The following AUTS2 variants were observed in gnomAD, a reference collection of about 807,000 sequenced individuals.
AUTS2 encodes the protein activator of transcription and developmental regulator AUTS2, also known as autism susceptibility gene 2 protein.
A neutral mutation model predicts 112.4 loss-of-function variants in AUTS2; 17 were observed. The ratio of observed to expected loss-of-function variants is 0.15; its 90% confidence interval spans 0.10 to 0.23. The LOEUF (loss-of-function observed/expected upper bound fraction) is 0.23, where lower values mean the gene tolerates loss of function less well. AUTS2 is among the 10% of genes least tolerant of loss of function. The pLI, the probability that AUTS2 is intolerant of heterozygous loss-of-function variation, is 1.00. For missense variants in AUTS2, 1,510 were observed against 1,701.6 expected, an observed-to-expected ratio of 0.89 and a Z score of 1.98; for synonymous variants, 751 against 702.7, an observed-to-expected ratio of 1.07 and a Z score of -1.09.
At position 70,531,360 on chromosome 7, in the gene AUTS2, C is replaced by T. The variant is rs551499090; in HGVS notation, c.690+95579C>T. On this transcript the variant is annotated intron_variant, in intron 5 of 18. Transcript: ENST00000342771. ...GGCCTGCAGACAGCTAGATCCTGTG[C>T]GTGAGGGTTGTCTTAGTCCATTTTA... Among the ~76,000 whole-genome samples, 8 of 152,188 alleles carry T rather than the reference C, an allele frequency of 5.3e-5. No homozygotes were observed. In the South Asian group the frequency reaches 6.2e-4, roughly 12 times the overall value.
intron 2 of AUTS2, among the ~76,000 whole-genome samples, chr7:70,047,478 T>G (rs1417177698): frequency 1.3e-5 from 2 of 152,226 alleles, no homozygotes; most frequent in Non-Finnish European, 2.9e-5. Context: ...GAGGTGATTT[T>G]AGCATAGAGC....
chr7:69,905,473 A>T (rs1260757036), intron 2 of AUTS2, among the ~76,000 whole-genome samples: 1 of 152,160 alleles, frequency 6.6e-6, no homozygotes, highest in African/African-American at 2.4e-5. Flanking sequence ...ACCAAGTCTG[A>T]AGGCCTGAGA....
intron 1 of AUTS2, among the ~76,000 whole-genome samples, chr7:69,721,594 G>T (rs1271073309): frequency 1.3e-5 from 2 of 152,148 alleles, no homozygotes; most frequent in Non-Finnish European, 2.9e-5. Context: ...AGTGAGAAGA[G>T]CTGAGAATGA....
chr7:70,055,439 A>T (rs565689406), intron 2 of AUTS2, among the ~76,000 whole-genome samples: 7 of 152,206 alleles, frequency 4.6e-5, no homozygotes, highest in Non-Finnish European at 4.4e-5. Context: ...CATCTCAAAA[A>T]AAAAAATTCT....
chr7:70,242,288 T>C (rs1163060003), intron 4 of AUTS2, among the ~76,000 whole-genome samples: 1 of 152,200 alleles, frequency 6.6e-6, no homozygotes, highest in Non-Finnish European at 1.5e-5. Context: ...AGGATTCGGA[T>C]AAGTGACCAT....
At chr7:70,367,617 TGAA>T (rs1172505258) in intron 4 of AUTS2, among the ~76,000 whole-genome samples, 1 of 151,956 alleles carries the variant, frequency 6.6e-6, no homozygotes, top group East Asian at 1.9e-4. Flanking sequence ...AAATCACTGA[TGAA>T]GAACGTAGTT....
intron 17 of AUTS2, among the ~76,000 whole-genome samples, chr7:70,786,385 T>C (rs1435200628): frequency 7.0e-6 from 1 of 143,460 alleles, no homozygotes; most frequent in Non-Finnish European, 1.5e-5. Flanking sequence ...GTTACAGCAA[T>C]TGTTACATTT....
intron 5 of AUTS2, among the ~76,000 whole-genome samples, chr7:70,611,661 T>C (rs1476846913): frequency 1.3e-5 from 2 of 152,210 alleles, no homozygotes; most frequent in African/African-American, 2.4e-5. Flanking sequence ...CCGCTTCTTA[T>C]AGCAAGTCTT....
chr7:70,136,968 T>C (rs1281930572), intron 4 of AUTS2, among the ~76,000 whole-genome samples: 2 of 152,208 alleles, frequency 1.3e-5, no homozygotes, highest in East Asian at 3.8e-4. Flanking sequence ...TGTGTGTGCA[T>C]GCACACACAC....
At chr7:69,893,040 A>G (rs760493368) in intron 1 of AUTS2, among the ~76,000 whole-genome samples, 2 of 152,206 alleles carry the variant, frequency 1.3e-5, no homozygotes, top group Non-Finnish European at 2.9e-5. Context: ...ACTTTACTAT[A>G]ATAGTTCACT....
At chr7:70,409,355 G>A (rs1316277517) in intron 4 of AUTS2, among the ~76,000 whole-genome samples, 1 of 151,974 alleles carries the variant, frequency 6.6e-6, no homozygotes, top group Non-Finnish European at 1.5e-5. Context: ...GTGTGTGTGT[G>A]TATTTATGTA....
intron 1 of AUTS2, among the ~76,000 whole-genome samples, chr7:69,729,901 A>C (rs1431191529): frequency 6.6e-6 from 1 of 151,716 alleles, no homozygotes; most frequent in African/African-American, 2.4e-5. Context: ...TTTTGTGCAC[A>C]AATTTGAGCC....
chr7:69,606,244 T>C (rs1159036070), intron 1 of AUTS2, among the ~76,000 whole-genome samples: 2 of 152,246 alleles, frequency 1.3e-5, no homozygotes, highest in Non-Finnish European at 2.9e-5. Context: ...CACAGTTTTA[T>C]GTATTATCAA....
In AUTS2 at chr7:70,245,171, A is replaced by C. The variant is rs200252798; in HGVS notation, c.660+110600A>C. On this transcript the variant is annotated intron_variant, in intron 4 of 18. Coordinates refer to ENST00000342771, the MANE Select transcript of AUTS2 (RefSeq NM_015570.4). Reference sequence around the variant, plus strand: ...ATATATATATATATATATATATATAAAAAATAAAAAATAAACAAAAATTAA... The same window carrying C: ...ATATATATATATATATATATATATACAAAATAAAAAATAAACAAAAATTAA... 2.3e-5 allele frequency among the ~76,000 whole-genome samples: 3 copies of C among 129,592 alleles called. No individual in the cohort carries two copies. The South Asian group carries it at 7.4e-4, about 32-fold the overall frequency. 85.0% of individuals were successfully genotyped at this position (129,592 alleles called of 152,430 possible).
intron 2 of AUTS2, among the ~76,000 whole-genome samples, chr7:70,043,595 TC>T (rs1801355773): frequency 1.0e-5 from 1 of 96,844 alleles, no homozygotes; most frequent in Non-Finnish European, 2.1e-5. Flanking sequence ...CTTCCTTCCT[TC>T]CTTCCTTCCT....
In AUTS2 at chr7:70,694,843, T is replaced by C. The variant is rs2129546913; in HGVS notation, c.691-3726T>C. 1 of 151,936 alleles carries C rather than the reference T, an allele frequency of 6.6e-6. No individual in the cohort carries two copies. The highest frequency in any genetic ancestry group is 2.0e-4 in the East Asian group (1 of 5,058). The allele number at this position is 151,936 out of a possible 1,614,324, so 9.4% of individuals were successfully genotyped here. On this transcript the variant is annotated intron_variant, in intron 5 of 18. Transcript: ENST00000342771. The surrounding 1 kb of genome is among the most constrained non-coding windows in gnomAD (Gnocchi z 4.1). Reference sequence around the variant, plus strand: ...AAGCTGTTGCCCGGTTCGGATCTGGTTCGGCGCCTCCGCTCTCGGACTTTG... The same window carrying C: ...AAGCTGTTGCCCGGTTCGGATCTGGCTCGGCGCCTCCGCTCTCGGACTTTG...
chr7:69,681,603 A>G (rs1233939439), intron 1 of AUTS2, among the ~76,000 whole-genome samples: 1 of 152,134 alleles, frequency 6.6e-6, no homozygotes, highest in Non-Finnish European at 1.5e-5. Flanking sequence ...TTAGGCTGCA[A>G]TTGCTATGAG....
At chr7:69,949,915 C>G (rs947440890) in intron 2 of AUTS2, among the ~76,000 whole-genome samples, 1 of 152,098 alleles carries the variant, frequency 6.6e-6, no homozygotes, top group Non-Finnish European at 1.5e-5. Context: ...GAACTGGATG[C>G]TTAATAAATG....
At chr7:70,274,971 T>C (rs940360836) in intron 4 of AUTS2, among the ~76,000 whole-genome samples, 3 of 152,218 alleles carry the variant, frequency 2.0e-5, no homozygotes, top group Non-Finnish European at 4.4e-5. Context: ...TCATAATAGC[T>C]AAAAAGTGGA....
Sources: allele counts gnomAD v4.1 joint callset (sites outside exome capture counted in the v4.1 genomes callset), GRCh38; gene constraint gnomAD v4.1.1; non-coding constraint Gnocchi (gnomAD v3.1); transcripts MANE v1.5; gene names NCBI Gene and HGNC (gene_info 2026-07-23, HGNC 2026-07-21).